KAZN: variants seen among roughly 807,000 people sequenced by gnomAD.
KAZN encodes kazrin, periplakin interacting protein.
Under a neutral mutation model 87.4 loss-of-function variants are expected in KAZN, and 40 were observed. The ratio of observed to expected loss-of-function variants is 0.46; its 90% confidence interval spans 0.36 to 0.60. The LOEUF is 0.60. KAZN is among the 20% of genes least tolerant of loss of function. KAZN has a pLI of 0.00. For missense variants in KAZN, 898 were observed against 1,073.9 expected, an observed-to-expected ratio of 0.84 and a Z score of 2.29; for synonymous variants, 466 against 458.3, an observed-to-expected ratio of 1.02 and a Z score of -0.22.
chr1:14,445,908 CG>C (rs1158846435), intron 2 of KAZN, among the ~76,000 whole-genome samples: 1 of 151,700 alleles, frequency 6.6e-6, no homozygotes, highest in Non-Finnish European at 1.5e-5. Context: ...AAGTATGAAG[CG>C]GTTGAGGCTG....
chr1:15,038,431 A>G (rs1672553886), intron 3 of KAZN, among the ~76,000 whole-genome samples: 1 of 152,198 alleles, frequency 6.6e-6, no homozygotes, highest in African/African-American at 2.4e-5. Flanking sequence ...GCAAATGTTT[A>G]TTGTGCACCT....
At chr1:13,983,093 T>C (rs1314206133) in intron 1 of KAZN, among the ~76,000 whole-genome samples, 7 of 152,264 alleles carry the variant, frequency 4.6e-5, no homozygotes, top group Non-Finnish European at 7.3e-5. Context: ...GGAGCCCAGC[T>C]GGCTTCACCC....
chr1:14,981,026 C>T (rs900692935), intron 2 of KAZN, among the ~76,000 whole-genome samples: 3 of 152,260 alleles, frequency 2.0e-5, no homozygotes, highest in South Asian at 4.1e-4. Flanking sequence ...AGTGGAGCAC[C>T]GTGCTCCTGG....
At chr1:15,007,056 C>CAAAAAAAA (rs35245453) in intron 2 of KAZN, among the ~76,000 whole-genome samples, 34 of 67,384 alleles carry the variant, frequency 5.0e-4, no homozygotes, top group African/African-American at 7.6e-4. Flanking sequence ...GACTCCGTCT[C>CAAAAAAAA]AAAAAAAAAA....
chr1:15,030,342 G>C (rs1001993873), intron 2 of KAZN, among the ~76,000 whole-genome samples: 1 of 152,032 alleles, frequency 6.6e-6, no homozygotes, highest in Non-Finnish European at 1.5e-5. Flanking sequence ...ATCTCGGCTC[G>C]CTGCAACCTC....
chr1:14,194,497 A>G (rs946910252), intron 2 of KAZN, among the ~76,000 whole-genome samples: 15 of 152,148 alleles, frequency 9.9e-5, no homozygotes, highest in African/African-American at 3.6e-4. Context: ...ATATGCCCCC[A>G]TTAGTCAGAC....
At chr1:15,063,765 A>G (rs1437413628) in intron 7 of KAZN, 143 bp downstream of exon 7, 2 of 700,958 alleles carry the variant, frequency 2.9e-6, no homozygotes, top group Admixed American at 2.0e-5. Context: ...GCCCACGTCC[A>G]TACTGCACAC....
rs1421112424 is a variant in KAZN at position 15,096,846 on chromosome 1, C to A, written c.1547+1913C>A. On this transcript the variant is annotated intron_variant, in intron 10 of 14. Transcript: ENST00000376030. This position sits in a 1 kb window ranked among gnomAD's most constrained non-coding sequence, Gnocchi z 4.5. ...CTCCCAAAGGCCCCAGCCACAAATA[C>A]CATCACATCGAAGGTTAGGATTTCA... Among the ~76,000 whole-genome samples, 5 of 152,180 alleles carry A rather than the reference C, an allele frequency of 3.3e-5. No homozygotes were observed. The highest frequency in any genetic ancestry group is 5.9e-5 in the Non-Finnish European group (4 of 68,044).
intron 1 of KAZN, among the ~76,000 whole-genome samples, chr1:14,616,792 G>T (rs1238739660): frequency 3.3e-5 from 5 of 152,220 alleles, no homozygotes; most frequent in African/African-American, 4.8e-5. Context: ...TTCAATGCAG[G>T]CAGGATACAC....
At chr1:14,741,947 T>G (rs2100435719) in intron 1 of KAZN, among the ~76,000 whole-genome samples, 1 of 152,196 alleles carries the variant, frequency 6.6e-6, no homozygotes, top group Admixed American at 6.5e-5. Flanking sequence ...TGGTTGTTTT[T>G]TTTTGGGTTG....
Position 14,316,393 on chromosome 1 carries a change from G to A in KAZN, c.249+135801G>A, listed in dbSNP as rs1032266181. Among the ~76,000 whole-genome samples, 24 of 151,916 alleles carry A rather than the reference G, an allele frequency of 1.6e-4. 1 individual carries two copies. Among genetic ancestry groups the A allele is most frequent in the African/African-American group, 5.8e-4 (24 of 41,402 alleles). ...CCATAATATCATTTTAATATCTGCA[G>A]GGTCTCTAGTGATGTCTCAAATTTC... On this transcript the variant is annotated intron_variant, in intron 2 of 16. Transcript: ENST00000636203.
chr1:14,267,178 A>T (rs1264092435), intron 2 of KAZN, among the ~76,000 whole-genome samples: 2 of 151,958 alleles, frequency 1.3e-5, no homozygotes, highest in Non-Finnish European at 2.9e-5. Context: ...ACTAAAAATA[A>T]TACAAATTTT....
chr1:14,883,563 C>G (rs572772106), intron 1 of KAZN, among the ~76,000 whole-genome samples: 1 of 151,720 alleles, frequency 6.6e-6, no homozygotes, highest in Non-Finnish European at 1.5e-5. Flanking sequence ...CACGCTCCTC[C>G]CATCCTCCAT....
At chr1:14,312,712 G>T (rs1655388519) in intron 2 of KAZN, among the ~76,000 whole-genome samples, 1 of 151,986 alleles carries the variant, frequency 6.6e-6, no homozygotes, top group African/African-American at 2.4e-5. Flanking sequence ...TGAATGATTG[G>T]GTTACAGAAG....
chr1:14,914,688 T>C (rs1453686031), intron 1 of KAZN, among the ~76,000 whole-genome samples: 2 of 152,192 alleles, frequency 1.3e-5, no homozygotes, highest in African/African-American at 4.8e-5. Context: ...CCCAGTCCCA[T>C]TGATAATGGC....
At chr1:13,996,122 C>T (rs1438954110) in intron 1 of KAZN, among the ~76,000 whole-genome samples, 4 of 152,124 alleles carry the variant, frequency 2.6e-5, no homozygotes, top group African/African-American at 4.8e-5. Context: ...CAGGGGAACC[C>T]TCAACCCCCA....
intron 1 of KAZN, among the ~76,000 whole-genome samples, chr1:14,009,934 G>C (rs1388467076): frequency 6.6e-6 from 1 of 151,914 alleles, no homozygotes; most frequent in African/African-American, 2.4e-5. Flanking sequence ...GAAACCGGGT[G>C]GTTTCCTTAA....
At chr1:14,503,157 T>C (rs368864294) in intron 2 of KAZN, among the ~76,000 whole-genome samples, 1 of 151,898 alleles carries the variant, frequency 6.6e-6, no homozygotes, top group African/African-American at 2.4e-5. Flanking sequence ...AATGGGTCAA[T>C]AGCAACGCCA....
chr1:15,020,958 A>G (rs1479103741), intron 2 of KAZN, among the ~76,000 whole-genome samples: 1 of 152,054 alleles, frequency 6.6e-6, no homozygotes, highest in African/African-American at 2.4e-5. Flanking sequence ...CCTCTCTTGT[A>G]AACTTTTCTG....
Sources: allele counts gnomAD v4.1 joint callset (sites outside exome capture counted in the v4.1 genomes callset), GRCh38; gene constraint gnomAD v4.1.1; non-coding constraint Gnocchi (gnomAD v3.1); transcripts MANE v1.5; gene names NCBI Gene and HGNC (gene_info 2026-07-23, HGNC 2026-07-21).